Variants in ARIH2 observed in about 807,000 individuals in gnomAD.
The protein encoded by ARIH2 is E3 ubiquitin-protein ligase ARIH2.
Under a neutral mutation model 79.8 loss-of-function variants are expected in ARIH2, and 12 were observed. The ratio of observed to expected loss-of-function variants is 0.15; its 90% CI spans 0.10 to 0.24. ARIH2 has a LOEUF of 0.24. ARIH2 is among the 10% of genes least tolerant of loss of function. The probability of loss-of-function intolerance (pLI) is 1.00; values close to 1 mark genes in which losing one functional copy is unlikely to be tolerated. For missense variants in ARIH2, 301 were observed against 618.3 expected, an observed-to-expected ratio of 0.49 and a Z score of 5.44; for synonymous variants, 224 against 213.9, an observed-to-expected ratio of 1.05 and a Z score of -0.41.
chr3:48,975,060 T>C, intron 11 of ARIH2, 81 bp downstream of exon 11: 1 of 1,610,380 alleles, frequency 6.2e-7, no homozygotes, highest in South Asian at 1.1e-5. Context: ...TGAGTACTTC[T>C]GCCATGAAAT....
intron 7 of ARIH2, 128 bp from the exon 8 acceptor site, chr3:48,970,466 GA>G (rs2092156074): frequency 6.1e-6 from 4 of 652,360 alleles, no homozygotes; most frequent in Non-Finnish European, 1.1e-5. Context: ...CATCCTTTCT[GA>G]ATTTATATAG....
intron 15 of ARIH2, 43 bp from the exon 16 acceptor site, chr3:48,983,156 A>AGGCCTG: frequency 6.2e-7 from 1 of 1,611,090 alleles, no homozygotes; most frequent in East Asian, 2.2e-5. Flanking sequence ...CCTTGCTCCC[A>AGGCCTG]GGCCTGGGCC....
chr3:48,955,147 A>C (rs1428584456), intron 3 of ARIH2, among the ~76,000 whole-genome samples: 1 of 152,228 alleles, frequency 6.6e-6, no homozygotes, highest in Non-Finnish European at 1.5e-5. Context: ...GCAGTGAGCC[A>C]GCGTCGCGCC....
intron 11 of ARIH2, among the ~76,000 whole-genome samples, chr3:48,978,457 G>T (rs1251985427): frequency 4.3e-5 from 5 of 115,780 alleles, no homozygotes; most frequent in African/African-American, 1.6e-4. Flanking sequence ...GTGTGTGTGT[G>T]TGTGTGTGTA....
intron 3 of ARIH2, among the ~76,000 whole-genome samples, chr3:48,949,583 A>T (rs2089686628): frequency 6.6e-6 from 1 of 152,138 alleles, no homozygotes; most frequent in Admixed American, 6.5e-5. Context: ...TTTAATTTGC[A>T]TTCCCTAATG....
intron 11 of ARIH2, among the ~76,000 whole-genome samples, chr3:48,976,430 C>G (rs981548293): frequency 2.0e-5 from 3 of 151,996 alleles, no homozygotes; most frequent in Non-Finnish European, 4.4e-5. Flanking sequence ...AGGCTGGTCT[C>G]GAACTTCTGA....
chr3:48,960,468 A>C lies in ARIH2; in HGVS notation c.256-1144A>C, dbSNP rs181118861. On this transcript the variant is annotated intron_variant, in intron 3 of 15. Coordinates refer to ENST00000356401, the MANE Select transcript of ARIH2 (RefSeq NM_006321.4). ...GCAGCTCATTATTTAAAAAAAAAAA[A>C]AACAAAAAAACCTGGCCGGGCACAA... Among the ~76,000 whole-genome samples, 1,120 of 152,046 alleles carry C rather than the reference A, an allele frequency of 7.4e-3. 18 individuals are homozygous for C. The highest frequency in any genetic ancestry group is 0.026 in the African/African-American group (1,081 of 41,478).
chr3:48,950,743 A>C (rs2089840240), intron 3 of ARIH2, among the ~76,000 whole-genome samples: 1 of 152,224 alleles, frequency 6.6e-6, no homozygotes, highest in Non-Finnish European at 1.5e-5. Context: ...AATGAAACAA[A>C]GGATAAAAAT....
At chr3:48,923,421 T>C (rs1311162714) in intron 2 of ARIH2, among the ~76,000 whole-genome samples, 1 of 150,156 alleles carries the variant, frequency 6.7e-6, no homozygotes, top group Non-Finnish European at 1.5e-5. Flanking sequence ...AAGGTCAGAC[T>C]GCAAACATTA....
At chr3:48,953,983 G>A (rs745885017) in intron 3 of ARIH2, among the ~76,000 whole-genome samples, 1 of 151,798 alleles carries the variant, frequency 6.6e-6, no homozygotes, top group Non-Finnish European at 1.5e-5. Flanking sequence ...GGCCAACATG[G>A]TGAAACACTC....
chr3:48,937,385 G>A (rs1286889994), intron 3 of ARIH2, among the ~76,000 whole-genome samples: 1 of 152,028 alleles, frequency 6.6e-6, no homozygotes, highest in East Asian at 1.9e-4. Context: ...ATAGAGGATT[G>A]ACCCTCTACC....
At chr3:48,979,919 T>G (rs1257391482) in intron 12 of ARIH2, 3 of 309,770 alleles carry the variant, frequency 9.7e-6, no homozygotes, top group East Asian at 1.0e-4. Flanking sequence ...ACCATCTTTT[T>G]TTTTTTTTCT....
chr3:48,955,290 G>C (rs1185671424), intron 3 of ARIH2, among the ~76,000 whole-genome samples: 1 of 150,766 alleles, frequency 6.6e-6, no homozygotes, highest in East Asian at 1.9e-4. Context: ...AGTTTCTTCT[G>C]AACACCACAT....
rs368991902 is a variant in ARIH2 at position 48,931,688 on chromosome 3, C to T, written c.255+3875C>T. On this transcript the variant is annotated intron_variant, in intron 3 of 15. Transcript: ENST00000356401. ...CAAGTGATCCTCCTGCCTCAGCCTC[C>T]TGAGTTAGCTGAGTAAAGTGTCTTA... is the stretch of plus-strand genomic sequence containing the variant. Among the ~76,000 whole-genome samples, 9 of 152,226 alleles carry T rather than the reference C, an allele frequency of 5.9e-5. No individual in the cohort carries two copies. The East Asian group carries it at 1.4e-3, about 23-fold the overall frequency.
chr3:48,919,536 A>AT (rs1437586474), intron 1 of ARIH2, among the ~76,000 whole-genome samples: 1 of 152,114 alleles, frequency 6.6e-6, no homozygotes, highest in Non-Finnish European at 1.5e-5. Flanking sequence ...AGTACTGTTC[A>AT]TTGCCTGGTC....
In ARIH2 at chr3:48,918,899, C is replaced by A; in HGVS notation, c.-261C>A. On this transcript the variant is annotated 5_prime_UTR_variant, in exon 1 of 16. Coordinates refer to ENST00000356401, the MANE Select transcript of ARIH2 (RefSeq NM_006321.4). ...AGCGCGGGCTTGACCGGCGTCGGCC[C>A]GCCGCCTCCGCTGCCGCTTCGCCCC... The A allele has an allele frequency of 1.2e-6, 2 of 1,601,530 alleles. No homozygotes were observed. The highest frequency in any genetic ancestry group is 1.7e-6 in the Non-Finnish European group (2 of 1,176,924).
intron 11 of ARIH2, among the ~76,000 whole-genome samples, chr3:48,977,329 C>T: frequency 6.6e-6 from 1 of 152,060 alleles, no homozygotes; most frequent in South Asian, 2.1e-4. Flanking sequence ...GATGGAGTCT[C>T]ACTCTGTCAC....
At chr3:48,966,608 C>T (rs1028614784) in intron 5 of ARIH2, among the ~76,000 whole-genome samples, 2 of 152,026 alleles carry the variant, frequency 1.3e-5, no homozygotes, top group Non-Finnish European at 2.9e-5. Context: ...GGTTTGGGTA[C>T]GTCGATATAG....
At chr3:48,941,960 A>C (rs893608115) in intron 3 of ARIH2, among the ~76,000 whole-genome samples, 2 of 150,698 alleles carry the variant, frequency 1.3e-5, no homozygotes, top group Non-Finnish European at 2.9e-5. Context: ...ATCTTGGCAC[A>C]CTGCACCCTC....
Sources: allele counts gnomAD v4.1 joint callset (sites outside exome capture counted in the v4.1 genomes callset), GRCh38; gene constraint gnomAD v4.1.1; transcripts MANE v1.5; gene names NCBI Gene and HGNC (gene_info 2026-07-23, HGNC 2026-07-21).